Variants in ANK3 observed in about 807,000 individuals in gnomAD.
ANK3 encodes the protein ankyrin-3.
Under a neutral mutation model 370.9 loss-of-function variants are expected in ANK3, and 57 were observed. The observed-to-expected ratio is 0.15, with a 90% CI of 0.12 to 0.19. The LOEUF is 0.19. ANK3 is among the 10% of genes least tolerant of loss of function. The pLI is 1.00. For synonymous variants in ANK3, 1,929 were observed against 1,946.3 expected, an observed-to-expected ratio of 0.99 and a Z score of 0.23; for missense variants, 4,439 against 5,302.1, an observed-to-expected ratio of 0.84 and a Z score of 5.06.
At chr10:60,440,711 A>T (rs2064278963) in intron 2 of ANK3, among the ~76,000 whole-genome samples, 2 of 152,162 alleles carry the variant, frequency 1.3e-5, no homozygotes, top group African/African-American at 4.8e-5. Flanking sequence ...GGAGTGGGGA[A>T]CAGGAATTTG....
At chr10:60,620,532 T>G (rs564952789) in intron 1 of ANK3, among the ~76,000 whole-genome samples, 81 of 152,284 alleles carry the variant, frequency 5.3e-4, no homozygotes, top group African/African-American at 1.9e-3. Context: ...TAACAGAGCC[T>G]ATATCTGAAC....
intron 1 of ANK3, among the ~76,000 whole-genome samples, chr10:60,715,311 T>C (rs1188729590): frequency 1.3e-5 from 2 of 151,476 alleles, no homozygotes; most frequent in Non-Finnish European, 2.9e-5. Flanking sequence ...ATAAATCAAG[T>C]ACCCCACAAA....
rs117112227 is a variant in ANK3 at position 60,557,738 on chromosome 10, T to C, written c.96+57448A>G. Among the ~76,000 whole-genome samples, 598 of 152,264 alleles carry C rather than the reference T, an allele frequency of 3.9e-3. 1 individual carries two copies. Among genetic ancestry groups the C allele is most frequent in the Non-Finnish European group, 6.4e-3 (432 of 68,010 alleles). ...TTGCCCATGACCTACGTGTAAGCAA[T>C]TGACAAAATGCCCCAGAGGGAAATT... On this transcript the variant is annotated intron_variant, in intron 2 of 43. Coordinates refer to the ANK3 transcript ENST00000373827.
At chr10:60,213,579 A>C in intron 8 of ANK3, 69 bp from the exon 9 acceptor site, 2 of 1,000,430 alleles carry the variant, frequency 2.0e-6, no homozygotes, top group Admixed American at 2.4e-5. Flanking sequence ...GTACTTCTTC[A>C]AGATCCAGCA....
At chr10:60,644,890 T>TAAAAAAA (rs10686327) in intron 1 of ANK3, among the ~76,000 whole-genome samples, 24 of 125,950 alleles carry the variant, frequency 1.9e-4, no homozygotes, top group South Asian at 2.9e-4. Flanking sequence ...AGTTTTAGTT[T>TAAAAAAA]AAAAAAAAAA....
At chr10:60,443,704 C>A (rs1016989721) in intron 2 of ANK3, among the ~76,000 whole-genome samples, 13 of 152,154 alleles carry the variant, frequency 8.5e-5, no homozygotes, top group Non-Finnish European at 1.8e-4. Flanking sequence ...GTGATACTGA[C>A]AGATGCTTAG....
chr10:60,474,791 C>CTG (rs201861435), intron 2 of ANK3, among the ~76,000 whole-genome samples: 26 of 151,116 alleles, frequency 1.7e-4, no homozygotes, highest in African/African-American at 2.4e-4. Context: ...GCACACATCT[C>CTG]TGTGTGTGTG....
chr10:60,154,450 C>T (rs1565348816), intron 23 of ANK3, among the ~76,000 whole-genome samples: 1 of 152,104 alleles, frequency 6.6e-6, no homozygotes, highest in Non-Finnish European at 1.5e-5. Flanking sequence ...TTCACATTTC[C>T]CAAAGTAATT....
chr10:60,421,293 A>G (rs1445733586), intron 2 of ANK3, among the ~76,000 whole-genome samples: 1 of 152,104 alleles, frequency 6.6e-6, no homozygotes, highest in Non-Finnish European at 1.5e-5. Flanking sequence ...AATGCCAGTG[A>G]ATTGTGTACT....
intron 2 of ANK3, among the ~76,000 whole-genome samples, chr10:60,594,740 T>A (rs962128040): frequency 1.3e-5 from 2 of 152,148 alleles, no homozygotes; most frequent in East Asian, 3.9e-4. Context: ...CATAGTAATG[T>A]TGGTTTTTTT....
At chr10:60,582,935 T>C (rs999067004) in intron 2 of ANK3, among the ~76,000 whole-genome samples, 1 of 152,146 alleles carries the variant, frequency 6.6e-6, no homozygotes, top group African/African-American at 2.4e-5. Flanking sequence ...ACAGCCATTA[T>C]GGAAGGAGCA....
At chr10:60,686,953 T>C (rs1196059311) in intron 1 of ANK3, among the ~76,000 whole-genome samples, 2 of 152,228 alleles carry the variant, frequency 1.3e-5, no homozygotes, top group African/African-American at 2.4e-5. Context: ...ATTATAAATA[T>C]GCTATTTTTA....
At chr10:60,569,753 C>T (rs936593901) in intron 2 of ANK3, among the ~76,000 whole-genome samples, 1 of 152,070 alleles carries the variant, frequency 6.6e-6, no homozygotes, top group African/African-American at 2.4e-5. Flanking sequence ...CACTCAACAC[C>T]AACACATAAT....
Position 60,568,216 on chromosome 10 carries a change from G to A in ANK3, c.96+46970C>T, listed in dbSNP as rs1244731428. Among the ~76,000 whole-genome samples the A allele has an allele frequency of 2.6e-5, 4 of 152,090 alleles. 1 individual carries two copies. The highest frequency in any genetic ancestry group is 2.6e-4 in the Admixed American group (4 of 15,266). On this transcript the variant is annotated intron_variant, in intron 2 of 43. Transcript: ENST00000373827. ...GTTACAGAGAGATCTTTCACGAAAC[G>A]AAGAGTTTGTCAATGTGGCAAACTT...
intron 12 of ANK3, among the ~76,000 whole-genome samples, chr10:60,201,610 A>G (rs1039706296): frequency 5.3e-5 from 8 of 152,174 alleles, no homozygotes; most frequent in African/African-American, 1.9e-4. Context: ...GGAAAAGAAT[A>G]CCATCGAGTA....
At chr10:60,587,814 A>G (rs983504995) in intron 2 of ANK3, among the ~76,000 whole-genome samples, 1 of 152,208 alleles carries the variant, frequency 6.6e-6, no homozygotes, top group African/African-American at 2.4e-5. Context: ...CTGTACCTCA[A>G]AGTAACCAAA....
rs764500200 is a variant in ANK3, at chr10:60,198,382, C to A, written c.1647G>T (p.Ala549=). ...SAREGHEDVA[A]FLLDHGASLS... ...AAGACGCTCCATGATCCAAAAGGAA[C>A]GCGGCCACATCCTCATGCCCCTCTC... Residue 549 remains alanine (A), a synonymous_variant, in exon 14 of 44, where the codon GCG becomes GCT. Coordinates refer to ENST00000280772, the MANE Select transcript of ANK3 (RefSeq NM_020987.5). 3.1e-6 allele frequency: 5 copies of A among 1,614,082 alleles called. No individual in the cohort carries two copies. The highest frequency in any genetic ancestry group is 8.5e-7 in the Non-Finnish European group (1 of 1,180,046).
chr10:60,235,557 T>G (rs1289995770), intron 7 of ANK3, among the ~76,000 whole-genome samples: 2 of 57,678 alleles, frequency 3.5e-5, no homozygotes, highest in Non-Finnish European at 1.0e-4. Context: ...CTTGTTTTTT[T>G]TTTTTTTTTT....
intron 1 of ANK3, among the ~76,000 whole-genome samples, chr10:60,688,172 T>C (rs1302626607): frequency 6.6e-6 from 1 of 151,996 alleles, no homozygotes; most frequent in Non-Finnish European, 1.5e-5. Context: ...CAGGTTCAAG[T>C]GATTCTCATG....
Sources: allele counts gnomAD v4.1 joint callset (sites outside exome capture counted in the v4.1 genomes callset), GRCh38; gene constraint gnomAD v4.1.1; transcripts MANE v1.5; gene names NCBI Gene and HGNC (gene_info 2026-07-23, HGNC 2026-07-21).